Variants in FHIT observed in about 807,000 individuals in gnomAD.
The protein encoded by FHIT is bis(5'-adenosyl)-triphosphatase.
Under a neutral mutation model 17.9 loss-of-function variants are expected in FHIT, and 19 were observed. The observed-to-expected ratio is 1.06, with a 90% CI of 0.74 to 1.56. The LOEUF (loss-of-function observed/expected upper bound fraction) is 1.56, where lower values mean the gene tolerates loss of function less well. Among genes scored for constraint, FHIT ranks in the 40% most tolerant of loss-of-function variants. The probability of loss-of-function intolerance (pLI) is 0.00; values close to 1 mark genes in which losing one functional copy is unlikely to be tolerated. For missense variants in FHIT, 248 were observed against 189.2 expected (o/e 1.31, Z -1.82); for synonymous variants, 81 against 69.7 (o/e 1.16, Z -0.81).
At chr3:61,072,853 A>G (rs894905441) in intron 2 of FHIT, among the ~76,000 whole-genome samples, 1 of 152,168 alleles carries the variant, frequency 6.6e-6, no homozygotes, top group African/African-American at 2.4e-5. Context: ...TTCCAAATAC[A>G]TATTTAGTAT....
intron 4 of FHIT, among the ~76,000 whole-genome samples, chr3:60,560,753 G>A (rs886376414): frequency 6.6e-6 from 1 of 150,666 alleles, no homozygotes; most frequent in Non-Finnish European, 1.5e-5. Flanking sequence ...TTCCTCCACT[G>A]GCATGTTGTC....
chr3:60,940,566 A>G (rs1301782841), intron 3 of FHIT, among the ~76,000 whole-genome samples: 1 of 152,192 alleles, frequency 6.6e-6, no homozygotes, highest in Non-Finnish European at 1.5e-5. Flanking sequence ...GAAAATAAAT[A>G]CAATGAGGGT....
At chr3:61,235,225 C>T (rs1014505140) in intron 1 of FHIT, among the ~76,000 whole-genome samples, 7 of 152,150 alleles carry the variant, frequency 4.6e-5, no homozygotes, top group Non-Finnish European at 7.3e-5. Context: ...GCTCCCTAGC[C>T]GGATGGCCTG....
intron 8 of FHIT, among the ~76,000 whole-genome samples, chr3:59,914,442 T>C (rs1200513751): frequency 1.3e-5 from 2 of 152,180 alleles, no homozygotes; most frequent in Non-Finnish European, 1.5e-5. Flanking sequence ...TAGGATTCCT[T>C]CCTGCTGGCA....
chr3:60,065,798 A>T (rs989526445), intron 5 of FHIT, among the ~76,000 whole-genome samples: 1 of 152,134 alleles, frequency 6.6e-6, no homozygotes, highest in African/African-American at 2.4e-5. Context: ...TCATTCTCTC[A>T]GACCATCTTG....
At chr3:60,482,046 C>T (rs1249185244) in intron 5 of FHIT, among the ~76,000 whole-genome samples, 8 of 152,144 alleles carry the variant, frequency 5.3e-5, no homozygotes, top group Non-Finnish European at 5.9e-5. Context: ...ACAAAACAAA[C>T]TTTAAACCAA....
At chr3:60,644,837 G>T (rs542142940) in intron 4 of FHIT, among the ~76,000 whole-genome samples, 20 of 152,100 alleles carry the variant, frequency 1.3e-4, no homozygotes, top group Non-Finnish European at 2.9e-4. Context: ...TCACCCTGTG[G>T]CCCCTCCACC....
intron 2 of FHIT, among the ~76,000 whole-genome samples, chr3:61,109,767 C>A (rs1200503572): frequency 6.6e-6 from 1 of 152,182 alleles, no homozygotes; most frequent in East Asian, 1.9e-4. Context: ...TAGTCTTTCA[C>A]ACAAACACAT....
At chr3:60,443,281 T>C (rs961860128) in intron 5 of FHIT, among the ~76,000 whole-genome samples, 21 of 152,188 alleles carry the variant, frequency 1.4e-4, no homozygotes, top group African/African-American at 1.9e-4. Context: ...CTCCTGCTGA[T>C]TGCCCTGGCC....
At chr3:60,570,631 A>G (rs1287485980) in intron 4 of FHIT, among the ~76,000 whole-genome samples, 5 of 151,966 alleles carry the variant, frequency 3.3e-5, no homozygotes, top group African/African-American at 7.3e-5. Flanking sequence ...TGCGTTTGGC[A>G]TAATACAGCA....
At chr3:59,761,817 C>T (rs941159046) in intron 8 of FHIT, among the ~76,000 whole-genome samples, 14 of 151,968 alleles carry the variant, frequency 9.2e-5, no homozygotes, top group Admixed American at 2.6e-4. Flanking sequence ...AGGCTGGTCT[C>T]GAACTCCTGA....
chr3:60,071,278 TTTTCTACACAGCTTA>T (rs1702757186), intron 5 of FHIT, among the ~76,000 whole-genome samples: 1 of 152,196 alleles, frequency 6.6e-6, no homozygotes, highest in Admixed American at 6.5e-5. Context: ...CTATTCATAA[TTTTCTACACAGCTTA>T]TATGTTGAAA....
chr3:60,949,769 T>C (rs1708798101), intron 3 of FHIT, among the ~76,000 whole-genome samples: 1 of 152,202 alleles, frequency 6.6e-6, no homozygotes, highest in African/African-American at 2.4e-5. Context: ...AGATTTCTTT[T>C]TTAAAAAAAG....
chr3:60,152,699 G>A (rs748797881), intron 5 of FHIT, among the ~76,000 whole-genome samples: 1 of 152,186 alleles, frequency 6.6e-6, no homozygotes, highest in Non-Finnish European at 1.5e-5. Context: ...AAAATGGCAT[G>A]TTACACATCC....
chr3:59,802,698 A>T (rs141397297), intron 8 of FHIT, among the ~76,000 whole-genome samples: 1 of 152,140 alleles, frequency 6.6e-6, no homozygotes, highest in Non-Finnish European at 1.5e-5. Context: ...TGCTCACATA[A>T]AGCCTATTGG....
chr3:59,929,413 C>G (rs1305201428), intron 7 of FHIT, among the ~76,000 whole-genome samples: 1 of 140,708 alleles, frequency 7.1e-6, no homozygotes, highest in Non-Finnish European at 1.5e-5. Context: ...CTCTGTCACC[C>G]AGGCTGGAGT....
intron 5 of FHIT, among the ~76,000 whole-genome samples, chr3:60,417,692 G>T (rs898045555): frequency 6.6e-6 from 1 of 152,120 alleles, no homozygotes; most frequent in Admixed American, 6.5e-5. Context: ...GAATGTTCCC[G>T]GGGCTCTGAT....
intron 5 of FHIT, among the ~76,000 whole-genome samples, chr3:60,466,234 A>G (rs963981195): frequency 2.0e-5 from 3 of 151,976 alleles, no homozygotes; most frequent in Non-Finnish European, 2.9e-5. Flanking sequence ...GTTGATTTTT[A>G]TATCTTGCAA....
chr3:60,071,079 C>G (rs1295071040), intron 5 of FHIT, among the ~76,000 whole-genome samples: 1 of 152,134 alleles, frequency 6.6e-6, no homozygotes, highest in Non-Finnish European at 1.5e-5. Context: ...ATATTTCCAC[C>G]CTCATCTAGC....
Sources: gnomAD v4.1 joint callset for allele counts (sites outside exome capture counted in the v4.1 genomes callset) on GRCh38, gnomAD v4.1.1 for gene constraint, MANE v1.5 for transcripts, NCBI Gene and HGNC (gene_info 2026-07-23, HGNC 2026-07-21) for gene names.